WDR47: variants seen among roughly 807,000 people sequenced by gnomAD.
The protein encoded by WDR47 is WD repeat domain 47.
A neutral mutation model predicts 97.2 loss-of-function variants in WDR47; 32 were observed. The ratio of observed to expected loss-of-function variants is 0.33; its 90% CI spans 0.25 to 0.44. WDR47 has a LOEUF of 0.44. WDR47 is among the 20% of genes least tolerant of loss of function. The pLI, the probability that WDR47 is intolerant of heterozygous loss-of-function variation, is 1.00. For missense variants in WDR47, 782 were observed against 1,102.3 expected, an observed-to-expected ratio of 0.71 and a Z score of 4.11; for synonymous variants, 375 against 373.5, an observed-to-expected ratio of 1.00 and a Z score of -0.05.
intron 4 of WDR47, among the ~76,000 whole-genome samples, 174 bp downstream of exon 4, chr1:109,013,667 A>G (rs1169777477): frequency 2.0e-5 from 3 of 152,228 alleles, no homozygotes; most frequent in Non-Finnish European, 4.4e-5. Flanking sequence ...CCATGGAACA[A>G]GTTTAGAAGC....
In WDR47 at chr1:108,986,699, T is replaced by C; in HGVS notation, c.1768-19A>G. On this transcript the variant is annotated intron_variant, in intron 9 of 14. Transcript: ENST00000369962. ...TGTCATCCTATGGAAAGAATGAATA[T>C]TAGTTATCCTATTAAAAAAATGAAT... 1 of 1,115,206 alleles carries C rather than the reference T, an allele frequency of 9.0e-7. No individual in the cohort carries two copies. The highest frequency in any genetic ancestry group is 1.2e-6 in the Non-Finnish European group (1 of 827,136). 69.1% of individuals were successfully genotyped at this position (1,115,206 alleles called of 1,614,324 possible). A position where few individuals can be genotyped will look rare whatever the true frequency, so the allele number is the denominator to read the frequency against.
At chr1:108,997,598 T>C (rs1258382851) in intron 7 of WDR47, among the ~76,000 whole-genome samples, 2 of 148,684 alleles carry the variant, frequency 1.3e-5, no homozygotes, top group Non-Finnish European at 3.0e-5. Flanking sequence ...CTACTAAAAA[T>C]ACAAAAAAAA....
chr1:109,017,717 A>G, intron 2 of WDR47, 116 bp from the exon 3 acceptor site: 1 of 765,892 alleles, frequency 1.3e-6, no homozygotes, highest in Non-Finnish European at 2.1e-6. Context: ...TGAGATTAAC[A>G]TTTTATTTGA....
In WDR47 at chr1:109,023,367, A is replaced by G; in HGVS notation, c.146T>C (p.Met49Thr). The change falls in exon 2 of 15, where the codon ATG becomes ACG. Residue 49 changes from methionine to threonine, a missense_variant. Around this residue, in one of 3 missense-constraint regions of WDR47, gnomAD observed 428 missense variants for 584.3 expected, o/e 0.73. Coordinates refer to ENST00000369962, the MANE Select transcript of WDR47 (RefSeq NM_001142551.2). The part of the protein sequence containing the change: ...GVINGLFSDD[M>T]LFLRQLILDG... ...AATGAAATCATACCTCAGGAAAAGC[A>G]TATCATCTGAAAACAGGCCATTTAT... The G allele has an allele frequency of 6.2e-7, 1 of 1,613,428 alleles. No homozygotes were observed. Among genetic ancestry groups the G allele is most frequent in the Non-Finnish European group, 8.5e-7 (1 of 1,179,720 alleles).
At chr1:109,029,846 A>T (rs1328737517) in intron 1 of WDR47, among the ~76,000 whole-genome samples, 1 of 150,626 alleles carries the variant, frequency 6.6e-6, no homozygotes, top group Non-Finnish European at 1.5e-5. Flanking sequence ...ACTGCACTCC[A>T]GCCTGGGCAA....
intron 5 of WDR47, among the ~76,000 whole-genome samples, chr1:109,005,202 G>A (rs997324004): frequency 6.6e-5 from 10 of 152,120 alleles, no homozygotes; most frequent in African/African-American, 2.2e-4. Flanking sequence ...AGAAGTTCAA[G>A]ACCAACCTGG....
intron 2 of WDR47, among the ~76,000 whole-genome samples, chr1:109,020,790 AAGTTTAAATAG>A (rs1661776634): frequency 6.6e-6 from 1 of 152,064 alleles, no homozygotes; most frequent in South Asian, 2.1e-4. Flanking sequence ...GAAGTGCAAC[AAGTTTAAATAG>A]AGTCCCCTAA....
At chr1:109,000,251 C>T (rs1660078738) in intron 7 of WDR47, among the ~76,000 whole-genome samples, 1 of 152,062 alleles carries the variant, frequency 6.6e-6, no homozygotes, top group Admixed American at 6.6e-5. Context: ...TGGCTTACAC[C>T]TGTAATCCCA....
intron 8 of WDR47, among the ~76,000 whole-genome samples, chr1:108,994,956 G>A (rs1659641231): frequency 6.6e-6 from 1 of 152,124 alleles, no homozygotes. Flanking sequence ...ATACATTTTT[G>A]TACTTAATCT....
At chr1:109,002,493 T>C (rs1011194676) in intron 6 of WDR47, 91 bp from the exon 7 acceptor site, 22 of 1,021,802 alleles carry the variant, frequency 2.2e-5, no homozygotes, top group Non-Finnish European at 2.7e-5. Context: ...GAATAAAATA[T>C]ACAATTAGCT....
At chr1:108,994,163 C>T (rs995346997) in intron 8 of WDR47, among the ~76,000 whole-genome samples, 2 of 151,846 alleles carry the variant, frequency 1.3e-5, no homozygotes, top group South Asian at 2.1e-4. Flanking sequence ...TTTGGGAGGC[C>T]GAGGTGAGCG....
At chr1:109,018,436 C>CAA (rs34692365) in intron 2 of WDR47, among the ~76,000 whole-genome samples, 31 of 103,336 alleles carry the variant, frequency 3.0e-4, no homozygotes, top group African/African-American at 5.3e-4. Context: ...GACTCTGTCT[C>CAA]AAAAAAAAAA....
rs1469591301 is a variant in WDR47, at chr1:108,981,801, G to C, written c.2330C>G (p.Thr777Ser). Reference protein sequence around the residue: ...WMIASGSQDKTVRFWDLRVPS... With the variant: ...WMIASGSQDKSVRFWDLRVPS... ...TACTCGAAGATCCCAAAATCTAACAGTCTTATCTTGGGAACCAGATGCAAT... is the reference window on the plus strand; with the variant it reads ...TACTCGAAGATCCCAAAATCTAACACTCTTATCTTGGGAACCAGATGCAAT... Residue 777 changes from threonine (T) to serine (S), a missense_variant, in exon 13 of 15, where the codon ACT (threonine) becomes AGT (serine). Physicochemically the swap from Thr to Ser is moderately conservative, Grantham distance 58. Transcript: ENST00000369962. 2 of 1,613,804 alleles carry C rather than the reference G, an allele frequency of 1.2e-6. No homozygotes were observed. The highest frequency in any genetic ancestry group is 1.7e-6 in the Non-Finnish European group (2 of 1,179,916).
intron 8 of WDR47, among the ~76,000 whole-genome samples, chr1:108,993,781 T>C (rs2101870320): frequency 6.6e-6 from 1 of 152,308 alleles, no homozygotes; most frequent in African/African-American, 2.4e-5. Flanking sequence ...TTTTATGATT[T>C]TATAATTCTG....
chr1:109,011,825 T>C, intron 4 of WDR47, 107 bp from the exon 5 acceptor site: 2 of 1,056,158 alleles, frequency 1.9e-6, no homozygotes, highest in Non-Finnish European at 2.7e-6. Flanking sequence ...AGAATACTCA[T>C]ATAATTTGTA....
chr1:109,023,578 A>G (rs939571498), intron 1 of WDR47, 57 bp from the exon 2 acceptor site: 1 of 1,539,296 alleles, frequency 6.5e-7, no homozygotes, highest in Non-Finnish European at 8.8e-7. Context: ...TTCTAAGTTT[A>G]ACTGCCTGGC....
chr1:109,011,288 G>T lies in WDR47; in HGVS notation c.758C>A (p.Ser253Tyr), dbSNP rs1661021632. The change falls in exon 5 of 15, where the codon TCT becomes TAT. Residue 253 changes from serine (S) to tyrosine (Y), a missense_variant. This residue lies in a region of WDR47 where 428 missense variants were observed against 584.3 expected (regional missense o/e 0.73). Coordinates refer to ENST00000369962, the MANE Select transcript of WDR47 (RefSeq NM_001142551.2). ...TTCAAAAGCACAAGAGAAGACAGAA[G>T]ATGGAAGATTCTGAAGCCATGACAG... The part of the protein sequence containing the change: ...SLLSWLQNLP[S>Y]SVFSCAFEQK... 2.5e-6 allele frequency: 4 copies of T among 1,614,036 alleles called. No homozygotes were observed. Among genetic ancestry groups the T allele is most frequent in the Non-Finnish European group, 3.4e-6 (4 of 1,180,046 alleles).
intron 1 of WDR47, among the ~76,000 whole-genome samples, chr1:109,034,016 T>C (rs908167018): frequency 1.3e-5 from 2 of 152,254 alleles, no homozygotes; most frequent in Admixed American, 1.3e-4. Flanking sequence ...TGGTGAAGCA[T>C]GATGGCTCAT....
chr1:109,010,742 C>T (rs1424531208), intron 5 of WDR47, among the ~76,000 whole-genome samples, 174 bp downstream of exon 5: 2 of 151,950 alleles, frequency 1.3e-5, no homozygotes, highest in African/African-American at 2.4e-5. Context: ...GCCACCACGC[C>T]CAGCTAATTT....
Sources: gnomAD v4.1 joint callset for allele counts (sites outside exome capture counted in the v4.1 genomes callset) on GRCh38, gnomAD v4.1.1 for gene constraint, gnomAD v4.1.1 regional missense constraint, MANE v1.5 for transcripts, NCBI Gene and HGNC (gene_info 2026-07-23, HGNC 2026-07-21) for gene names.